ZNF573: variants seen among roughly 807,000 people sequenced by gnomAD.
ZNF573 encodes zinc finger protein 573.
In ZNF573, 41 loss-of-function variants were observed where a neutral mutation model predicts 57.4. That is an observed-to-expected ratio of 0.71 (90% CI 0.56 to 0.93). The LOEUF is 0.93. ZNF573 is among the 40% of genes least tolerant of loss of function. The pLI, the probability that ZNF573 is intolerant of heterozygous loss-of-function variation, is 0.00. For missense variants in ZNF573, 730 were observed against 794.8 expected (o/e 0.92, Z 0.98); for synonymous variants, 249 against 261.0 (o/e 0.95, Z 0.44).
intron 4 of ZNF573, among the ~76,000 whole-genome samples, chr19:37,769,520 G>A (rs1158463642): frequency 1.6e-5 from 2 of 121,390 alleles, no homozygotes; most frequent in Non-Finnish European, 3.5e-5. Context: ...GAGGTCAGGA[G>A]TTCAAGACCA....
In ZNF573 at chr19:37,739,093, C is replaced by G; in HGVS notation, c.1397G>C (p.Gly466Ala). 1.9e-6 allele frequency: 3 copies of G among 1,613,494 alleles called. 1 individual carries two copies. The change falls in exon 5 of 5, where the codon GGT (glycine) becomes GCT (alanine). Residue 466 changes from glycine (G) to alanine (A), a missense_variant. Transcript: ENST00000536220. ...TTCCTGACATTCAAAAAGTTTCTTA[C>G]CAGTGTGAATATTCTGATGTCGAGT... is the stretch of plus-strand genomic sequence containing the variant. ...NLTRHQNIHTGKKLFECQECG... is the reference protein window; with the variant it reads ...NLTRHQNIHTAKKLFECQECG...
chr19:37,755,502 A>G (rs2045479193), intron 4 of ZNF573, among the ~76,000 whole-genome samples: 1 of 152,216 alleles, frequency 6.6e-6, no homozygotes, highest in Non-Finnish European at 1.5e-5. Context: ...TTGGAAATTT[A>G]TAGCAGTATC....
In ZNF573 at chr19:37,738,830, A is replaced by G; in HGVS notation, c.1660T>C (p.Phe554Leu). The change falls in exon 5 of 5, where the codon TTT (phenylalanine) becomes CTT (leucine). Residue 554 changes from phenylalanine to leucine, a missense_variant. Phe to Leu is a conservative substitution (Grantham distance 22). Transcript: ENST00000536220. ...HQSIHTDEKP[F>L]ECKECGKTFR... ...GTCTTCCCACATTCCTTACATTCAA[A>G]AGGTTTCTCATCAGTATGAATACTT... The G allele has an allele frequency of 6.2e-7, 1 of 1,613,612 alleles. No individual in the cohort carries two copies. Among genetic ancestry groups the G allele is most frequent in the Non-Finnish European group, 8.5e-7 (1 of 1,179,896 alleles).
At position 37,738,992 on chromosome 19, in the gene ZNF573, A is replaced by G; in HGVS notation, c.1498T>C (p.Cys500Arg). The G allele has an allele frequency of 6.2e-7, 1 of 1,613,904 alleles. No homozygotes were observed. The highest frequency in any genetic ancestry group is 8.5e-7 in the Non-Finnish European group (1 of 1,179,958). The change falls in exon 5 of 5, where the codon TGT becomes CGT. Residue 500 changes from cysteine to arginine, a missense_variant. Cys to Arg is a radical substitution (Grantham distance 180). Coordinates refer to ENST00000536220, the MANE Select transcript of ZNF573 (RefSeq NM_001172690.2). ...CTAAAGGTCTTGCCACATTCCTTACATTTATAGGGTTTCTCACCAGTATGA... is the reference window on the plus strand; with the variant it reads ...CTAAAGGTCTTGCCACATTCCTTACGTTTATAGGGTTTCTCACCAGTATGA... Reference protein sequence around the residue: ...KTHTGEKPYKCKECGKTFSLH... With the variant: ...KTHTGEKPYKRKECGKTFSLH...
chr19:37,742,277 T>G (rs530448477), intron 4 of ZNF573, among the ~76,000 whole-genome samples: 1 of 152,336 alleles, frequency 6.6e-6, no homozygotes, highest in South Asian at 2.1e-4. Flanking sequence ...TTCAATGCTA[T>G]TCCCATCAAA....
At chr19:37,749,027 T>C (rs2045409238) in intron 4 of ZNF573, among the ~76,000 whole-genome samples, 1 of 148,790 alleles carries the variant, frequency 6.7e-6, no homozygotes. Context: ...AGAAACAGCA[T>C]AACAAATGTA....
chr19:37,759,131 C>A (rs1349830282), intron 4 of ZNF573: 3 of 548,940 alleles, frequency 5.5e-6, no homozygotes, highest in Non-Finnish European at 7.0e-6. Flanking sequence ...CCCAGTGAGA[C>A]CCCCATCTCT....
At position 37,758,202 on chromosome 19, in the gene ZNF573, AATATATATATATATAT is replaced by A. The variant is rs550290940; in HGVS notation, c.295+11787_295+11802del. Among the ~76,000 whole-genome samples the A allele has an allele frequency of 3.3e-3, 56 of 17,174 alleles. 2 individuals are homozygous for A. The highest frequency in any genetic ancestry group is 6.5e-3 in the African/African-American group (39 of 5,958). The allele number at this position is 17,174 out of a possible 152,430, so 11.3% of individuals were successfully genotyped here. On this transcript the variant is annotated intron_variant, in intron 4 of 4. Coordinates refer to ENST00000536220, the MANE Select transcript of ZNF573 (RefSeq NM_001172690.2). The stretch of plus-strand genomic sequence containing the variant: ...TACCCTAGAACTTAAAGTATAATAA[AATATATATATATATAT>A]ATATATATATATATATATATATATA...
At chr19:37,764,697 G>A (rs112570636) in intron 4 of ZNF573, among the ~76,000 whole-genome samples, 3 of 150,348 alleles carry the variant, frequency 2.0e-5, no homozygotes, top group Admixed American at 6.6e-5. Context: ...TCCACCTCCC[G>A]GGTTCACACC....
intron 4 of ZNF573, among the ~76,000 whole-genome samples, chr19:37,745,612 T>C (rs1372419277): frequency 6.6e-6 from 1 of 151,812 alleles, no homozygotes; most frequent in Non-Finnish European, 1.5e-5. Context: ...GACAGGCTTA[T>C]CTGAAACTCC....
At chr19:37,740,546 G>A in intron 4 of ZNF573, 1 of 460,182 alleles carries the variant, frequency 2.2e-6, no homozygotes, top group Non-Finnish European at 4.3e-6. Flanking sequence ...TTAGATGCAG[G>A]TCAGTGTTTA....
intron 4 of ZNF573, among the ~76,000 whole-genome samples, chr19:37,741,422 C>T (rs1169229854): frequency 2.6e-5 from 4 of 152,144 alleles, no homozygotes; most frequent in Admixed American, 2.6e-4. Context: ...CACAACACCA[C>T]ACCTGGCTAA....
In ZNF573 at chr19:37,761,381, G is replaced by A. The variant is rs561884872; in HGVS notation, c.295+8624C>T. ...TCCTCAGAAGCAAAAGTTTTTTCTC[G>A]GACCTTCTCTTGCCCTCCTGTCTCT... On this transcript the variant is annotated intron_variant, in intron 4 of 4. Transcript: ENST00000536220. Among the ~76,000 whole-genome samples, 18 of 152,036 alleles carry A rather than the reference G, an allele frequency of 1.2e-4. No homozygotes were observed. In the East Asian group the frequency reaches 2.7e-3, roughly 23 times the overall value.
intron 4 of ZNF573, among the ~76,000 whole-genome samples, chr19:37,749,033 A>G (rs1201089799): frequency 6.6e-6 from 1 of 151,880 alleles, no homozygotes; most frequent in Non-Finnish European, 1.5e-5. Context: ...AGCATAACAA[A>G]TGTAAGTATA....
intron 4 of ZNF573, among the ~76,000 whole-genome samples, chr19:37,743,503 G>A (rs2145279343): frequency 6.6e-6 from 1 of 152,230 alleles, no homozygotes; most frequent in Admixed American, 6.5e-5. Flanking sequence ...ATGCTGGTGA[G>A]GCTGTGGAGA....
At chr19:37,765,697 C>T (rs1197392566) in intron 4 of ZNF573, among the ~76,000 whole-genome samples, 1 of 151,750 alleles carries the variant, frequency 6.6e-6, no homozygotes, top group Non-Finnish European at 1.5e-5. Context: ...GCAACAAGAG[C>T]AAAACTCCGT....
chr19:37,742,268 T>C (rs1568415535), intron 4 of ZNF573, among the ~76,000 whole-genome samples: 2 of 152,166 alleles, frequency 1.3e-5, no homozygotes, highest in Non-Finnish European at 2.9e-5. Flanking sequence ...AATTATAGAT[T>C]CAATGCTATT....
intron 4 of ZNF573, among the ~76,000 whole-genome samples, chr19:37,744,850 C>T (rs1347570482): frequency 2.7e-5 from 4 of 149,498 alleles, no homozygotes; most frequent in African/African-American, 7.4e-5. Flanking sequence ...GGTGCGATCT[C>T]GGCTCACTCC....
intron 4 of ZNF573, among the ~76,000 whole-genome samples, chr19:37,744,816 C>T (rs1368413378): frequency 1.3e-5 from 2 of 151,078 alleles, no homozygotes; most frequent in Non-Finnish European, 2.9e-5. Context: ...GCATCTCGCT[C>T]TGTCTCCTAG....
Sources: gnomAD v4.1 joint callset for allele counts (sites outside exome capture counted in the v4.1 genomes callset) on GRCh38, gnomAD v4.1.1 for gene constraint, MANE v1.5 for transcripts, NCBI Gene and HGNC (gene_info 2026-07-23, HGNC 2026-07-21) for gene names.